The following CLVS1 variants were observed in gnomAD, a reference collection of about 807,000 sequenced individuals.
The protein encoded by CLVS1 is clavesin-1.
Under a neutral mutation model 33.1 loss-of-function variants are expected in CLVS1, and 10 were observed. The ratio of observed to expected loss-of-function variants is 0.30; its 90% CI spans 0.19 to 0.51. CLVS1 has a LOEUF of 0.51. Ranked by LOEUF, CLVS1 falls within the 20% of genes least tolerant of loss-of-function variation. CLVS1 has a pLI of 0.97. For synonymous variants in CLVS1, 163 were observed against 166.1 expected (o/e 0.98, Z 0.14); for missense variants, 343 against 433.4 (o/e 0.79, Z 1.85).
the CLVS1 span, among the ~76,000 whole-genome samples, chr8:61,051,170 T>C: frequency 6.6e-6 from 1 of 152,200 alleles, no homozygotes; most frequent in Non-Finnish European, 1.5e-5. Context: ...TGGTCTGTGA[T>C]GAGCCAACTC....
chr8:61,408,108 C>T lies in CLVS1; in HGVS notation c.630+31329C>T, dbSNP rs139299099. ...GAGGCAAGATAGACAGGGCCCTGCC[C>T]TTCTGGAGTTTACGGTCCATTGGGC... On this transcript the variant is annotated intron_variant, in intron 3 of 5. Transcript: ENST00000325897. Among the ~76,000 whole-genome samples the T allele has an allele frequency of 6.7e-3, 1,013 of 152,250 alleles. 4 individuals carry two copies. The highest frequency in any genetic ancestry group is 9.7e-3 in the South Asian group (47 of 4,826).
At chr8:61,258,633 G>T (rs957390350) in intron 2 of CLVS1, among the ~76,000 whole-genome samples, 3 of 152,144 alleles carry the variant, frequency 2.0e-5, no homozygotes, top group Admixed American at 6.5e-5. Flanking sequence ...GTTATTTATT[G>T]CTCTCTTTAC....
intron 1 of CLVS1, among the ~76,000 whole-genome samples, chr8:61,095,332 C>T (rs139157864): frequency 5.8e-4 from 88 of 152,336 alleles, no homozygotes; most frequent in African/African-American, 1.7e-3. Flanking sequence ...GGAAATCCCC[C>T]ATGAGTGGGG....
intron 2 of CLVS1, among the ~76,000 whole-genome samples, chr8:61,231,107 GTCTA>G (rs1180569386): frequency 1.3e-5 from 2 of 152,114 alleles, no homozygotes; most frequent in Non-Finnish European, 2.9e-5. Flanking sequence ...GGACAATGTT[GTCTA>G]TTTGGGGATG....
intron 1 of CLVS1, among the ~76,000 whole-genome samples, chr8:61,122,499 C>G (rs552145755): frequency 1.4e-4 from 22 of 151,736 alleles, no homozygotes; most frequent in Middle Eastern, 3.4e-3. Context: ...TTTTGGCTCA[C>G]CTTACTTTAT....
chr8:61,362,137 C>G (rs1162735993), intron 2 of CLVS1, among the ~76,000 whole-genome samples: 1 of 152,164 alleles, frequency 6.6e-6, no homozygotes, highest in African/African-American at 2.4e-5. Context: ...GAGGCCTACT[C>G]AGGAAAAGGG....
chr8:61,181,044 A>G (rs1488996902), intron 2 of CLVS1, among the ~76,000 whole-genome samples: 1 of 152,174 alleles, frequency 6.6e-6, no homozygotes, highest in African/African-American at 2.4e-5. Flanking sequence ...GAGGAAGTCA[A>G]ATTATCTCTG....
chr8:61,325,141 C>A (rs972185349), intron 2 of CLVS1, among the ~76,000 whole-genome samples: 8 of 152,046 alleles, frequency 5.3e-5, no homozygotes, highest in African/African-American at 1.4e-4. Flanking sequence ...GTCCTCTGGG[C>A]TCCTGGTTCT....
At position 61,380,133 on chromosome 8, in the gene CLVS1, T is replaced by C. The variant is rs921007690; in HGVS notation, c.630+3354T>C. 2.6e-5 allele frequency among the ~76,000 whole-genome samples: 4 copies of C among 152,314 alleles called. No homozygotes were observed. In the South Asian group the frequency reaches 6.2e-4, roughly 24 times the overall value. On this transcript the variant is annotated intron_variant, in intron 3 of 5. Coordinates refer to ENST00000325897, the MANE Select transcript of CLVS1 (RefSeq NM_173519.3). ...ACCTGTGTTTTCTGGATTACTCACA[T>C]TCCCAATAGACTCCAAAGTGGATGT... is the stretch of plus-strand genomic sequence containing the variant.
At chr8:61,141,524 A>T (rs1446042501) in intron 2 of CLVS1, among the ~76,000 whole-genome samples, 1 of 152,214 alleles carries the variant, frequency 6.6e-6, no homozygotes, top group Non-Finnish European at 1.5e-5. Context: ...GCCAACAATG[A>T]ACATTAATTC....
intron 5 of CLVS1, among the ~76,000 whole-genome samples, chr8:61,491,469 A>T (rs1968990): frequency 0.72 from 108,878 of 152,170 alleles, 41,639 homozygotes; most frequent in Non-Finnish European, 0.86. Context: ...TGCTATAACA[A>T]CTTCAAAAAG....
At chr8:61,272,238 C>A (rs941313407) in intron 2 of CLVS1, among the ~76,000 whole-genome samples, 138 of 152,110 alleles carry the variant, frequency 9.1e-4, no homozygotes, top group Middle Eastern at 3.4e-3. Context: ...GATTTTATTT[C>A]TCCTTCACTT....
intron 1 of CLVS1, among the ~76,000 whole-genome samples, chr8:61,093,986 G>A (rs139314778): frequency 3.9e-5 from 6 of 152,214 alleles, no homozygotes; most frequent in Admixed American, 6.5e-5. Flanking sequence ...TGGGGTTTTC[G>A]GTCATTTGGC....
At chr8:61,096,528 T>C (rs145455856) in intron 1 of CLVS1, among the ~76,000 whole-genome samples, 2 of 152,354 alleles carry the variant, frequency 1.3e-5, no homozygotes, top group East Asian at 1.9e-4. Context: ...AAGACTCATA[T>C]AGTAAATATT....
At chr8:61,411,242 G>A (rs1815210864) in intron 3 of CLVS1, among the ~76,000 whole-genome samples, 1 of 152,252 alleles carries the variant, frequency 6.6e-6, no homozygotes, top group Non-Finnish European at 1.5e-5. Context: ...TCGTTGTTCA[G>A]GTTCCAGAGG....
chr8:61,130,253 A>AAATG lies in CLVS1; in HGVS notation c.-242-1514_-242-1513insGAAT, dbSNP rs1806066707. 2.7e-5 allele frequency among the ~76,000 whole-genome samples: 4 copies of AAATG among 149,572 alleles called. No homozygotes were observed. The South Asian group carries it at 8.4e-4, about 31-fold the overall frequency. ...ACTCTGTCTCAAAAAATAAATAAAT[A>AAATG]AATAAATAAATAAATAAATAAATAT... On this transcript the variant is annotated intron_variant, in intron 1 of 2. Coordinates refer to the CLVS1 transcript ENST00000522621.
At chr8:61,346,037 A>G (rs1184056745) in intron 2 of CLVS1, among the ~76,000 whole-genome samples, 2 of 152,208 alleles carry the variant, frequency 1.3e-5, no homozygotes, top group East Asian at 3.8e-4. Flanking sequence ...TACTTTAAGA[A>G]GTATATTGGC....
intron 2 of CLVS1, among the ~76,000 whole-genome samples, chr8:61,147,532 G>A (rs983481112): frequency 6.6e-6 from 1 of 152,178 alleles, no homozygotes; most frequent in East Asian, 1.9e-4. Flanking sequence ...CTAGATAGGT[G>A]TAACTCTATT....
At chr8:61,015,418 A>G in the CLVS1 span, among the ~76,000 whole-genome samples, 3 of 152,208 alleles carry the variant, frequency 2.0e-5, no homozygotes, top group Non-Finnish European at 4.4e-5. Context: ...AAATGGATTT[A>G]TCTTGTTTTA....
Sources: allele counts gnomAD v4.1 joint callset (sites outside exome capture counted in the v4.1 genomes callset), GRCh38; gene constraint gnomAD v4.1.1; transcripts MANE v1.5; gene names NCBI Gene and HGNC (gene_info 2026-07-23, HGNC 2026-07-21).